The following LIMCH1 variants were observed in gnomAD, a reference collection of about 807,000 sequenced individuals.
LIMCH1 encodes LIM and calponin homology domains 1.
A neutral mutation model predicts 176.5 loss-of-function variants in LIMCH1; 113 were observed. The observed-to-expected ratio is 0.64, with a 90% CI of 0.55 to 0.75. LIMCH1 has a LOEUF of 0.75. LIMCH1 is among the 30% of genes least tolerant of loss of function. The pLI is 0.00. For missense variants in LIMCH1, 1,674 were observed against 1,814.9 expected (o/e 0.92, Z 1.41); for synonymous variants, 619 against 645.9 (o/e 0.96, Z 0.63).
intron 1 of LIMCH1, among the ~76,000 whole-genome samples, chr4:41,392,990 G>A (rs907573252): frequency 7.9e-5 from 12 of 152,012 alleles, no homozygotes; most frequent in East Asian, 3.9e-4. Context: ...AGATCGCGCC[G>A]CTGCACTCCA....
intron 18 of LIMCH1, among the ~76,000 whole-genome samples, chr4:41,658,195 A>G (rs2094515768): frequency 6.6e-6 from 1 of 152,154 alleles, no homozygotes; most frequent in African/African-American, 2.4e-5. Flanking sequence ...TCATGTTGGT[A>G]CCTACCTCCT....
At chr4:41,494,291 T>TTA (rs939425016) in intron 1 of LIMCH1, among the ~76,000 whole-genome samples, 7 of 149,036 alleles carry the variant, frequency 4.7e-5, no homozygotes, top group African/African-American at 1.7e-4. Context: ...TGAAAAAAAA[T>TTA]TATATATATA....
chr4:41,464,463 G>A (rs1027109517), intron 1 of LIMCH1, among the ~76,000 whole-genome samples: 6 of 148,000 alleles, frequency 4.1e-5, no homozygotes, highest in East Asian at 2.0e-4. Context: ...TGCAATCTCC[G>A]CCTCCCAGGT....
intron 5 of LIMCH1, among the ~76,000 whole-genome samples, chr4:41,618,543 T>A (rs936624526): frequency 1.3e-5 from 2 of 152,104 alleles, no homozygotes; most frequent in Non-Finnish European, 2.9e-5. Context: ...AAAGACAAGA[T>A]CATGGGGGCA....
At chr4:41,670,725 T>C (rs1279786806) in intron 21 of LIMCH1, 2 of 1,535,678 alleles carry the variant, frequency 1.3e-6, no homozygotes, top group Non-Finnish European at 1.7e-6. Flanking sequence ...TAGAGTCGCC[T>C]GGCACTGCCA....
At chr4:41,592,327 T>C (rs1285679198) in intron 1 of LIMCH1, among the ~76,000 whole-genome samples, 1 of 152,246 alleles carries the variant, frequency 6.6e-6, no homozygotes, top group Non-Finnish European at 1.5e-5. Flanking sequence ...GTGGGTTAAT[T>C]ACAAATGATG....
At chr4:41,381,123 T>A (rs956633172) in intron 1 of LIMCH1, among the ~76,000 whole-genome samples, 4 of 152,236 alleles carry the variant, frequency 2.6e-5, no homozygotes, top group African/African-American at 9.6e-5. Flanking sequence ...AGGCACTGAA[T>A]GCCCAAGGAA....
At position 41,685,775 on chromosome 4, in the gene LIMCH1, C is replaced by T; in HGVS notation, c.4033C>T (p.Leu1345Phe). The part of the protein sequence containing the change: ...HSSEDVKPKT[L>F]PLDKSINHQI... ...TTCAGAAGATGTGAAGCCAAAAACC[C>T]TCCCGCTGGATAAAAGCATTAACCA... Residue 1345 changes from leucine (L) to phenylalanine (F), a missense_variant, in exon 28 of 32, where the codon CTC becomes TTC. Around this residue, in one of 3 missense-constraint regions of LIMCH1, gnomAD observed 1,015 missense variants for 1,102.5 expected, o/e 0.92. Transcript: ENST00000503057. 1 of 1,613,604 alleles carries T rather than the reference C, an allele frequency of 6.2e-7. No homozygotes were observed. The highest frequency in any genetic ancestry group is 8.5e-7 in the Non-Finnish European group (1 of 1,179,684).
intron 31 of LIMCH1, among the ~76,000 whole-genome samples, chr4:41,695,969 A>G (rs1458743362): frequency 6.6e-6 from 1 of 152,194 alleles, no homozygotes; most frequent in African/African-American, 2.4e-5. Flanking sequence ...TTTGATTTAA[A>G]TTGAGAAGAG....
chr4:41,512,694 T>A (rs1004965629), intron 2 of LIMCH1, among the ~76,000 whole-genome samples: 12 of 152,288 alleles, frequency 7.9e-5, no homozygotes, highest in Non-Finnish European at 1.6e-4. Context: ...ATGTTCTGAA[T>A]AGGCAAATCT....
At chr4:41,384,370 ATT>A (rs879388418) in intron 1 of LIMCH1, among the ~76,000 whole-genome samples, 3 of 143,174 alleles carry the variant, frequency 2.1e-5, no homozygotes, top group Non-Finnish European at 3.1e-5. Context: ...ACGCCGGGCT[ATT>A]TTTTTTTTTT....
chr4:41,517,726 GAAATCTTTTA>G (rs1163057245), intron 2 of LIMCH1, among the ~76,000 whole-genome samples: 1 of 152,006 alleles, frequency 6.6e-6, no homozygotes, highest in Non-Finnish European at 1.5e-5. Context: ...GGGCAAGAAA[GAAATCTTTTA>G]AAATGACATC....
chr4:41,383,149 A>G (rs1049005952), intron 1 of LIMCH1, among the ~76,000 whole-genome samples: 2 of 152,172 alleles, frequency 1.3e-5, no homozygotes, highest in Admixed American at 6.5e-5. Flanking sequence ...AATCAGTTGT[A>G]AGTCTGTCTC....
At chr4:41,632,916 G>A (rs1174206791) in intron 11 of LIMCH1, 49 bp downstream of exon 11, 2 of 1,527,792 alleles carry the variant, frequency 1.3e-6, no homozygotes, top group African/African-American at 2.7e-5. Flanking sequence ...GAGGACAGGT[G>A]GGGTCAGAGC....
At chr4:41,574,651 G>A (rs2084149765) in intron 1 of LIMCH1, among the ~76,000 whole-genome samples, 1 of 152,100 alleles carries the variant, frequency 6.6e-6, no homozygotes, top group African/African-American at 2.4e-5. Flanking sequence ...AAACCTATCA[G>A]CTTAACCATC....
intron 1 of LIMCH1, among the ~76,000 whole-genome samples, chr4:41,389,745 T>C (rs2056985882): frequency 6.6e-6 from 1 of 152,222 alleles, no homozygotes; most frequent in African/African-American, 2.4e-5. Flanking sequence ...GGGCCTGACC[T>C]CAGCCTTAGG....
intron 2 of LIMCH1, among the ~76,000 whole-genome samples, chr4:41,501,355 G>A (rs759906169): frequency 6.6e-6 from 1 of 152,226 alleles, no homozygotes; most frequent in Non-Finnish European, 1.5e-5. Context: ...AGAATCTCAT[G>A]TCTTTTGACC....
At chr4:41,670,550 G>C (rs1000781688) in intron 21 of LIMCH1, among the ~76,000 whole-genome samples, 1 of 152,104 alleles carries the variant, frequency 6.6e-6, no homozygotes, top group African/African-American at 2.4e-5. Context: ...CATGTCTTCA[G>C]GTTTTATATG....
At chr4:41,638,228 G>A (rs1366418966) in intron 13 of LIMCH1, among the ~76,000 whole-genome samples, 1 of 151,944 alleles carries the variant, frequency 6.6e-6, no homozygotes. Context: ...GGTGACTATC[G>A]CAGAGGGTAC....
Sources: gnomAD v4.1 joint callset for allele counts (sites outside exome capture counted in the v4.1 genomes callset) on GRCh38, gnomAD v4.1.1 for gene constraint, gnomAD v4.1.1 regional missense constraint, MANE v1.5 for transcripts, NCBI Gene and HGNC (gene_info 2026-07-23, HGNC 2026-07-21) for gene names.